The following KCNH1 variants were observed in gnomAD, a reference collection of about 807,000 sequenced individuals.
KCNH1 encodes voltage-gated delayed rectifier potassium channel KCNH1.
KCNH1 carries 27 observed loss-of-function variants against 69.2 expected under a neutral mutation model. That is an observed-to-expected ratio of 0.39 (90% CI 0.29 to 0.54). The LOEUF is 0.54. Among genes scored for constraint, KCNH1 ranks in the 20% least tolerant of loss-of-function variants. KCNH1 has a pLI of 0.68. For missense variants in KCNH1, 798 were observed against 1,261.6 expected (o/e 0.63, Z 5.57); for synonymous variants, 456 against 487.7 (o/e 0.93, Z 0.86).
At chr1:210,990,653 CT>C (rs1688920814) in intron 6 of KCNH1, among the ~76,000 whole-genome samples, 1 of 152,156 alleles carries the variant, frequency 6.6e-6, no homozygotes, top group Non-Finnish European at 1.5e-5. Context: ...CCTTTCTAAA[CT>C]TTAGTTTACT....
At chr1:211,099,555 C>A (rs1691219542) in intron 3 of KCNH1, among the ~76,000 whole-genome samples, 1 of 152,160 alleles carries the variant, frequency 6.6e-6, no homozygotes, top group East Asian at 1.9e-4. Context: ...CTCCTTCCTC[C>A]CCTCCGCCCC....
chr1:210,974,069 T>TTC (rs1229317265), intron 6 of KCNH1, among the ~76,000 whole-genome samples: 1 of 151,892 alleles, frequency 6.6e-6, no homozygotes, highest in Non-Finnish European at 1.5e-5. Context: ...AATGATTACT[T>TTC]TCTCTCTCTC....
At chr1:211,122,226 A>C (rs1466167902) in intron 1 of KCNH1, among the ~76,000 whole-genome samples, 3 of 152,206 alleles carry the variant, frequency 2.0e-5, no homozygotes, top group East Asian at 1.9e-4. Context: ...ATATGAAAAA[A>C]ACTCAACATC....
At chr1:211,058,285 T>C (rs1227964296) in intron 5 of KCNH1, among the ~76,000 whole-genome samples, 3 of 152,268 alleles carry the variant, frequency 2.0e-5, no homozygotes, top group Admixed American at 1.3e-4. Context: ...CAAAACTCAC[T>C]GGTAATAGTA....
intron 5 of KCNH1, among the ~76,000 whole-genome samples, chr1:211,076,563 C>T (rs760816559): frequency 4.6e-5 from 7 of 152,200 alleles, no homozygotes; most frequent in African/African-American, 7.2e-5. Flanking sequence ...ATAGCATCAA[C>T]ATCAACAAAA....
At chr1:210,936,670 G>A (rs752414225) in intron 6 of KCNH1, among the ~76,000 whole-genome samples, 8 of 152,184 alleles carry the variant, frequency 5.3e-5, no homozygotes, top group Admixed American at 2.0e-4. Flanking sequence ...CTCCCTTACA[G>A]CCCCTGAATC....
chr1:211,112,209 T>G (rs1691482416), intron 1 of KCNH1, among the ~76,000 whole-genome samples: 4 of 148,300 alleles, frequency 2.7e-5, no homozygotes, highest in African/African-American at 1.0e-4. Context: ...CCGCCCCGTC[T>G]GGGAAGTGAG....
intron 5 of KCNH1, among the ~76,000 whole-genome samples, chr1:211,043,465 A>G (rs983114514): frequency 6.6e-6 from 1 of 152,168 alleles, no homozygotes; most frequent in Non-Finnish European, 1.5e-5. Flanking sequence ...GGTAACAAAA[A>G]AATTACCAAC....
chr1:211,059,842 G>A (rs1399053379), intron 5 of KCNH1, among the ~76,000 whole-genome samples: 1 of 152,026 alleles, frequency 6.6e-6, no homozygotes, highest in African/African-American at 2.4e-5. Context: ...AGATCATCTG[G>A]ACAGAAAATA....
chr1:211,040,509 T>C (rs1011575514), intron 5 of KCNH1, among the ~76,000 whole-genome samples: 7 of 152,188 alleles, frequency 4.6e-5, no homozygotes, highest in Admixed American at 2.6e-4. Flanking sequence ...AAGAAGTGCC[T>C]CTCACTTCCT....
chr1:210,850,965 G>C (rs367714731), intron 7 of KCNH1, among the ~76,000 whole-genome samples: 2 of 152,316 alleles, frequency 1.3e-5, no homozygotes, highest in East Asian at 1.9e-4. Context: ...CACAGCAAGA[G>C]AGCAGGCAGC....
chr1:210,791,618 C>G (rs1186000663), intron 9 of KCNH1, among the ~76,000 whole-genome samples: 1 of 152,182 alleles, frequency 6.6e-6, no homozygotes, highest in African/African-American at 2.4e-5. Flanking sequence ...CTTCTACCTC[C>G]TCCATGAACA....
intron 6 of KCNH1, among the ~76,000 whole-genome samples, chr1:211,014,492 C>G (rs1435136387): frequency 2.6e-5 from 4 of 152,196 alleles, no homozygotes; most frequent in African/African-American, 9.6e-5. Context: ...AAAGGGATCA[C>G]TTGTGCAGCT....
At chr1:210,952,249 C>T (rs1472792890) in intron 6 of KCNH1, among the ~76,000 whole-genome samples, 3 of 152,218 alleles carry the variant, frequency 2.0e-5, no homozygotes, top group African/African-American at 7.2e-5. Context: ...TTCCCTCCAG[C>T]TCATTCACAC....
intron 7 of KCNH1, among the ~76,000 whole-genome samples, chr1:210,832,919 T>TATATATATATATATATATAC (rs982373308): frequency 1.5e-5 from 2 of 131,490 alleles, no homozygotes; most frequent in African/African-American, 2.6e-5. Flanking sequence ...TATATATATA[T>TATATATATATATATATATAC]ATACATATAA....
chr1:211,009,663 C>T (rs1689357065), intron 6 of KCNH1, among the ~76,000 whole-genome samples: 1 of 151,274 alleles, frequency 6.6e-6, no homozygotes, highest in Non-Finnish European at 1.5e-5. Flanking sequence ...GGCTGGAGTG[C>T]AGTGGTGCGA....
chr1:210,748,087 G>A (rs909239396), intron 10 of KCNH1, among the ~76,000 whole-genome samples: 5 of 152,160 alleles, frequency 3.3e-5, no homozygotes, highest in South Asian at 2.1e-4. Flanking sequence ...CTCTGTAGGC[G>A]GCACAGCTGC....
chr1:210,936,375 C>A (rs1004557549), intron 6 of KCNH1, among the ~76,000 whole-genome samples: 2 of 152,184 alleles, frequency 1.3e-5, no homozygotes, highest in Non-Finnish European at 1.5e-5. Flanking sequence ...TTAGTTGAAA[C>A]CTGGCTTTCC....
intron 10 of KCNH1, among the ~76,000 whole-genome samples, chr1:210,695,035 C>T (rs60954989): frequency 0.024 from 3,657 of 152,326 alleles, 86 homozygotes; most frequent in African/African-American, 0.059. Flanking sequence ...TTTGCTTCTC[C>T]TTGGAGTCTG....
Sources: allele counts gnomAD v4.1 joint callset (sites outside exome capture counted in the v4.1 genomes callset), GRCh38; gene constraint gnomAD v4.1.1; transcripts MANE v1.5; gene names NCBI Gene and HGNC (gene_info 2026-07-23, HGNC 2026-07-21).